WWOX: variants seen among roughly 807,000 people sequenced by gnomAD.
WWOX encodes the protein WW domain-containing oxidoreductase.
A neutral mutation model predicts 46.2 loss-of-function variants in WWOX; 69 were observed. The ratio of observed to expected loss-of-function variants is 1.49; its 90% CI spans 1.23 to 1.82. The LOEUF is 1.82. WWOX is among the 40% of genes most tolerant of loss of function. The pLI is 0.00. For missense variants in WWOX, 919 were observed against 542.6 expected (o/e 1.69, Z -6.89); for synonymous variants, 359 against 202.6 (o/e 1.77, Z -6.56).
At chr16:78,605,308 G>T (rs922572644) in intron 8 of WWOX, among the ~76,000 whole-genome samples, 1 of 151,078 alleles carries the variant, frequency 6.6e-6, no homozygotes, top group Non-Finnish European at 1.5e-5. Context: ...GGTGTGTCTT[G>T]CTCAGGCATG....
At chr16:78,572,663 T>C (rs1169723665) in intron 8 of WWOX, among the ~76,000 whole-genome samples, 1 of 145,790 alleles carries the variant, frequency 6.9e-6, no homozygotes, top group Non-Finnish European at 1.5e-5. Context: ...TATGATTCAA[T>C]TTATAGAAAG....
At chr16:78,690,757 AT>A (rs1414113324) in intron 8 of WWOX, among the ~76,000 whole-genome samples, 1 of 152,152 alleles carries the variant, frequency 6.6e-6, no homozygotes, top group Non-Finnish European at 1.5e-5. Context: ...AAGTCCCTGA[AT>A]TATTTAAGCA....
chr16:78,582,063 A>T (rs1597302770), intron 8 of WWOX, among the ~76,000 whole-genome samples: 1 of 152,330 alleles, frequency 6.6e-6, no homozygotes, highest in South Asian at 2.1e-4. Context: ...TCTGAGAAGG[A>T]ACGCTGGGTG....
chr16:78,955,922 A>C (rs542698630), intron 8 of WWOX, among the ~76,000 whole-genome samples: 3 of 152,000 alleles, frequency 2.0e-5, no homozygotes, highest in African/African-American at 7.2e-5. Flanking sequence ...TGCTGAGATT[A>C]CATGCATGAG....
intron 8 of WWOX, among the ~76,000 whole-genome samples, chr16:78,634,954 C>G (rs1597376812): frequency 6.6e-6 from 1 of 151,164 alleles, no homozygotes; most frequent in Non-Finnish European, 1.5e-5. Flanking sequence ...GGGAAAGGGT[C>G]CAGAGCAGTA....
intron 8 of WWOX, among the ~76,000 whole-genome samples, chr16:78,861,228 C>G (rs550503343): frequency 3.3e-5 from 5 of 152,298 alleles, no homozygotes; most frequent in African/African-American, 1.2e-4. Context: ...AAATAAAAGA[C>G]TGAGTAAGAA....
intron 8 of WWOX, among the ~76,000 whole-genome samples, chr16:79,200,035 A>C (rs2051315953): frequency 6.6e-6 from 1 of 152,076 alleles, no homozygotes; most frequent in Non-Finnish European, 1.5e-5. Flanking sequence ...CTGCCAGATG[A>C]TCCACAAATG....
intron 8 of WWOX, among the ~76,000 whole-genome samples, chr16:79,189,670 A>G (rs1384039165): frequency 6.6e-6 from 1 of 152,006 alleles, no homozygotes; most frequent in African/African-American, 2.4e-5. Context: ...GTTTGAGGTT[A>G]TCTTTTGACA....
chr16:78,228,939 A>C (rs1041499057), intron 5 of WWOX, among the ~76,000 whole-genome samples: 4 of 152,168 alleles, frequency 2.6e-5, no homozygotes, highest in African/African-American at 9.7e-5. Context: ...GGTCAAATCT[A>C]ACAGGAAGCT....
intron 8 of WWOX, among the ~76,000 whole-genome samples, chr16:78,804,132 A>C (rs1356467057): frequency 1.3e-5 from 2 of 152,106 alleles, no homozygotes; most frequent in African/African-American, 4.8e-5. Flanking sequence ...GTCAGATAGC[A>C]TGTGTCCTGT....
At chr16:78,846,761 A>G (rs1032657927) in intron 8 of WWOX, among the ~76,000 whole-genome samples, 3 of 152,162 alleles carry the variant, frequency 2.0e-5, no homozygotes, top group African/African-American at 4.8e-5. Context: ...ATTTTCATCC[A>G]TTAATTTTAG....
At chr16:78,790,891 T>C (rs2050579786) in intron 8 of WWOX, among the ~76,000 whole-genome samples, 2 of 151,410 alleles carry the variant, frequency 1.3e-5, no homozygotes, top group Admixed American at 1.3e-4. Context: ...TTTTGGTGCT[T>C]GCTTGTGGTC....
chr16:78,589,057 C>G (rs930069088), intron 8 of WWOX, among the ~76,000 whole-genome samples: 3 of 152,238 alleles, frequency 2.0e-5, no homozygotes, highest in African/African-American at 7.2e-5. Context: ...AAGACCTTAT[C>G]AGTTACCTGT....
At chr16:78,426,989 A>C (rs2083095281) in intron 7 of WWOX, among the ~76,000 whole-genome samples, 1 of 152,160 alleles carries the variant, frequency 6.6e-6, no homozygotes, top group Admixed American at 6.5e-5. Flanking sequence ...AGGGTGTTTT[A>C]ACAAAATGGC....
chr16:78,885,011 G>A (rs1035066889), intron 8 of WWOX, among the ~76,000 whole-genome samples: 3 of 152,054 alleles, frequency 2.0e-5, no homozygotes, highest in African/African-American at 7.2e-5. Context: ...GTGTCACTGG[G>A]CAGTTGTTTC....
chr16:78,541,786 C>T (rs926320566), intron 8 of WWOX, among the ~76,000 whole-genome samples: 2 of 151,968 alleles, frequency 1.3e-5, no homozygotes, highest in African/African-American at 2.4e-5. Flanking sequence ...AGGCACAGAC[C>T]TAGGAACTCA....
intron 8 of WWOX, chr16:78,525,146 A>G (rs2043433211): frequency 6.8e-6 from 1 of 147,418 alleles, no homozygotes; most frequent in Non-Finnish European, 1.5e-5. Flanking sequence ...GATTATAGGC[A>G]TGAGCCACTA....
At chr16:78,943,817 G>C in intron 8 of WWOX, among the ~76,000 whole-genome samples, 1 of 152,092 alleles carries the variant, frequency 6.6e-6, no homozygotes, top group Non-Finnish European at 1.5e-5. Context: ...TCACTGTTTG[G>C]TGGACTAAAT....
intron 8 of WWOX, among the ~76,000 whole-genome samples, chr16:78,724,271 C>G (rs1349484191): frequency 6.6e-6 from 1 of 152,074 alleles, no homozygotes; most frequent in Non-Finnish European, 1.5e-5. Context: ...TGAAAAAAGC[C>G]CCATTTGGTA....
Sources: allele counts gnomAD v4.1 joint callset (sites outside exome capture counted in the v4.1 genomes callset), GRCh38; gene constraint gnomAD v4.1.1; transcripts MANE v1.5; gene names NCBI Gene and HGNC (gene_info 2026-07-23, HGNC 2026-07-21).